The following ACOT12 variants were observed in gnomAD, a reference collection of about 807,000 sequenced individuals.
The protein encoded by ACOT12 is acetyl-coenzyme A thioesterase.
In ACOT12, 51 loss-of-function variants were observed where a neutral mutation model predicts 67.7. That is an observed-to-expected ratio of 0.75 (90% CI 0.60 to 0.95). The LOEUF (loss-of-function observed/expected upper bound fraction) is 0.95. Among genes scored for constraint, ACOT12 ranks in the 40% least tolerant of loss-of-function variants. The pLI is 0.00. For synonymous variants in ACOT12, 251 were observed against 244.6 expected (o/e 1.03, Z -0.24); for missense variants, 734 against 708.1 (o/e 1.04, Z -0.41).
intron 11 of ACOT12, among the ~76,000 whole-genome samples, chr5:81,340,078 C>T (rs1312177413): frequency 1.3e-5 from 2 of 151,666 alleles, no homozygotes; most frequent in Admixed American, 1.3e-4. Flanking sequence ...CACTCTGTTG[C>T]CCAGGCTGGA....
intron 1 of ACOT12, among the ~76,000 whole-genome samples, chr5:81,390,051 C>T (rs1194318894): frequency 4.0e-5 from 6 of 149,098 alleles, no homozygotes; most frequent in Non-Finnish European, 8.9e-5. Context: ...ACCTCCCAGG[C>T]TCAAGTCATC....
At chr5:81,368,007 C>A (rs958740173) in intron 3 of ACOT12, among the ~76,000 whole-genome samples, 1 of 152,054 alleles carries the variant, frequency 6.6e-6, no homozygotes, top group Non-Finnish European at 1.5e-5. Context: ...AGTTAAGAAT[C>A]CTGGCAGGGC....
chr5:81,361,315 G>A (rs79192208), intron 4 of ACOT12, among the ~76,000 whole-genome samples: 1 of 151,228 alleles, frequency 6.6e-6, no homozygotes, highest in Non-Finnish European at 1.5e-5. Context: ...TGGGCTCAAG[G>A]GATCCTCTCA....
chr5:81,382,702 TGAGGCAG>T (rs1267936852), intron 2 of ACOT12, among the ~76,000 whole-genome samples: 1 of 151,814 alleles, frequency 6.6e-6, no homozygotes, highest in Non-Finnish European at 1.5e-5. Flanking sequence ...TTCGGGAGGC[TGAGGCAG>T]GAGAATCGCT....
At chr5:81,340,293 TC>T (rs1324120911) in intron 11 of ACOT12, among the ~76,000 whole-genome samples, 1 of 152,086 alleles carries the variant, frequency 6.6e-6, no homozygotes, top group African/African-American at 2.4e-5. Context: ...CACTTTGGCC[TC>T]CCAAACTGCT....
intron 3 of ACOT12, among the ~76,000 whole-genome samples, chr5:81,370,705 A>G (rs2153856075): frequency 6.6e-6 from 1 of 152,250 alleles, no homozygotes. Context: ...CCATATTTTG[A>G]TGTAGGACTT....
chr5:81,316,500 A>T, the ACOT12 span, among the ~76,000 whole-genome samples: 2 of 152,228 alleles, frequency 1.3e-5, no homozygotes, highest in Non-Finnish European at 2.9e-5. Flanking sequence ...CATTTTATTC[A>T]TCAGTTGATG....
chr5:81,338,926 C>A (rs921773647), intron 11 of ACOT12, among the ~76,000 whole-genome samples: 2 of 152,032 alleles, frequency 1.3e-5, no homozygotes, highest in Non-Finnish European at 2.9e-5. Flanking sequence ...ACTGAAAACA[C>A]AAAAATTATC....
intron 2 of ACOT12, among the ~76,000 whole-genome samples, chr5:81,375,783 G>A (rs530194024): frequency 1.3e-5 from 2 of 152,104 alleles, no homozygotes; most frequent in Non-Finnish European, 2.9e-5. Context: ...TCAACAAGAA[G>A]AGTAACTATC....
chr5:81,344,390 C>T (rs549142168), intron 8 of ACOT12, among the ~76,000 whole-genome samples, 175 bp from the exon 9 acceptor site: 75 of 152,308 alleles, frequency 4.9e-4, no homozygotes, highest in African/African-American at 1.7e-3. Context: ...CCACAAAGGG[C>T]AGTTGCACTG....
intron 4 of ACOT12, among the ~76,000 whole-genome samples, chr5:81,361,517 G>A (rs1759908999): frequency 1.3e-5 from 2 of 152,098 alleles, no homozygotes; most frequent in Non-Finnish European, 2.9e-5. Flanking sequence ...AACAATTTTT[G>A]TAGTGTTGTT....
rs770243553 is a variant in ACOT12, at chr5:81,382,215, G to A, written c.197+3542C>T. The stretch of plus-strand genomic sequence containing the variant: ...AAATACATAATTTCTAATTCTGTCC[G>A]CTGAAAAGGCCGAGAACGAATGCCC... On this transcript the variant is annotated intron_variant, in intron 2 of 14. Transcript: ENST00000307624. Among the ~76,000 whole-genome samples the A allele has an allele frequency of 4.6e-5, 7 of 151,978 alleles. 1 individual carries two copies. Among genetic ancestry groups the A allele is most frequent in the South Asian group, 4.1e-4 (2 of 4,820 alleles).
chr5:81,337,580 C>G (rs1759044486), intron 11 of ACOT12, among the ~76,000 whole-genome samples: 1 of 152,100 alleles, frequency 6.6e-6, no homozygotes, highest in Non-Finnish European at 1.5e-5. Flanking sequence ...ATAGGGAGAA[C>G]ACATGTGATG....
chr5:81,367,854 A>G (rs1760129755), intron 3 of ACOT12, among the ~76,000 whole-genome samples: 1 of 152,246 alleles, frequency 6.6e-6, no homozygotes, highest in Admixed American at 6.5e-5. Flanking sequence ...AGACAGGTTA[A>G]GAGAAAAATG....
At position 81,380,578 on chromosome 5, in the gene ACOT12, A is replaced by G. The variant is rs1167463590; in HGVS notation, c.197+5179T>C. Among the ~76,000 whole-genome samples the G allele has an allele frequency of 3.4e-3, 429 of 126,068 alleles. 7 individuals carry two copies. Among genetic ancestry groups the G allele is most frequent in the African/African-American group, 0.01 (384 of 37,454 alleles). The allele number at this position is 126,068 out of a possible 152,430, so 82.7% of individuals were successfully genotyped here. On this transcript the variant is annotated intron_variant, in intron 2 of 14. Transcript: ENST00000307624. ...GACTGTCTTAGAAAAAAAAAAAAAA[A>G]AAGAAAAGAAATCTATCCCACAAAT...
chr5:81,389,029 T>C (rs1048241877), intron 1 of ACOT12, among the ~76,000 whole-genome samples: 1 of 152,154 alleles, frequency 6.6e-6, no homozygotes, highest in Admixed American at 6.5e-5. Context: ...AATTACCCAG[T>C]CTCAGATATG....
intron 3 of ACOT12, among the ~76,000 whole-genome samples, chr5:81,368,866 C>G (rs1297342047): frequency 6.6e-6 from 1 of 150,862 alleles, no homozygotes; most frequent in Non-Finnish European, 1.5e-5. Context: ...ATTATATATA[C>G]TATATCATTC....
the ACOT12 span, among the ~76,000 whole-genome samples, chr5:81,313,949 C>T: frequency 0.065 from 9,827 of 152,232 alleles, 492 homozygotes; most frequent in East Asian, 0.22. Flanking sequence ...CTGCCTTAGT[C>T]ATCTAGTCCG....
intron 5 of ACOT12, among the ~76,000 whole-genome samples, chr5:81,349,180 A>G (rs1759478084): frequency 6.6e-6 from 1 of 152,322 alleles, no homozygotes; most frequent in East Asian, 1.9e-4. Context: ...CCAGAAGGGT[A>G]GTCACAGAAA....
Sources: gnomAD v4.1 joint callset for allele counts (sites outside exome capture counted in the v4.1 genomes callset) on GRCh38, gnomAD v4.1.1 for gene constraint, MANE v1.5 for transcripts, NCBI Gene and HGNC (gene_info 2026-07-23, HGNC 2026-07-21) for gene names.